TRIM45: variants seen among roughly 807,000 people sequenced by gnomAD.
TRIM45 encodes tripartite motif containing 45.
A neutral mutation model predicts 46.7 loss-of-function variants in TRIM45; 45 were observed. The observed-to-expected ratio is 0.96, with a 90% CI of 0.76 to 1.24. The LOEUF is 1.24. TRIM45 is among the 50% of genes most tolerant of loss of function. TRIM45 has a pLI of 0.00. For synonymous variants in TRIM45, 259 were observed against 285.8 expected (o/e 0.91, Z 0.94); for missense variants, 680 against 728.4 (o/e 0.93, Z 0.77).
Position 117,111,474 on chromosome 1 carries a change from G to A in TRIM45, c.*831C>T, listed in dbSNP as rs1041310067. The A allele has an allele frequency of 6.6e-5, 10 of 152,134 alleles. No homozygotes were observed. The highest frequency in any genetic ancestry group is 6.5e-4 in the Admixed American group (10 of 15,274). 9.4% of individuals were successfully genotyped at this position (152,134 alleles called of 1,614,324 possible). A position where few individuals can be genotyped will look rare whatever the true frequency, so the allele number is the denominator to read the frequency against. On this transcript the variant is annotated 3_prime_UTR_variant, in exon 6 of 6. Coordinates refer to ENST00000256649, the MANE Select transcript of TRIM45 (RefSeq NM_025188.4). ...GGCTTTGGGGCAGAAGGCTGTCATG[G>A]CATAGAGACGGAGTAGGGGGACACC...
chr1:117,112,162 A>T lies in TRIM45; in HGVS notation c.*143T>A. The T allele has an allele frequency of 1.2e-6, 1 of 851,678 alleles. No individual in the cohort carries two copies. Among genetic ancestry groups the T allele is most frequent in the Non-Finnish European group, 1.6e-6 (1 of 614,374 alleles). 52.8% of individuals were successfully genotyped at this position (851,678 alleles called of 1,614,324 possible). A position where few individuals can be genotyped will look rare whatever the true frequency, so the allele number is the denominator to read the frequency against. On this transcript the variant is annotated 3_prime_UTR_variant, in exon 6 of 6. Transcript: ENST00000256649. ...CACAAGTACAATCAGTGAATAACTA[A>T]CAAAAGAGCACTTGAACTCCAGTGC...
Position 117,111,348 on chromosome 1 carries a change from G to A in TRIM45, c.*957C>T, listed in dbSNP as rs938536241. On this transcript the variant is annotated 3_prime_UTR_variant, in exon 6 of 6. Coordinates refer to ENST00000256649, the MANE Select transcript of TRIM45 (RefSeq NM_025188.4). ...AAGGATGAAGGTGTCTAGATTTTCT[G>A]TATAAGTAGAACTGTAATAAATGTA... 1 of 152,208 alleles carries A rather than the reference G, an allele frequency of 6.6e-6. No homozygotes were observed. Among genetic ancestry groups the A allele is most frequent in the Non-Finnish European group, 1.5e-5 (1 of 68,040 alleles). The allele number at this position is 152,208 out of a possible 1,614,324, so 9.4% of individuals were successfully genotyped here. A position where few individuals can be genotyped will look rare whatever the true frequency, so the allele number is the denominator to read the frequency against.
Position 117,112,772 on chromosome 1 carries a change from T to C in TRIM45, c.1595-319A>G, listed in dbSNP as rs147109857. Among the ~76,000 whole-genome samples the C allele has an allele frequency of 4.8e-3, 727 of 152,252 alleles. 5 individuals carry two copies. The highest frequency in any genetic ancestry group is 0.016 in the African/African-American group (678 of 41,552). ...GGTTTGGATTTTAACTGTAAAATCA[T>C]TGAAATAAAAAAGGATAGGTTGGTG... On this transcript the variant is annotated intron_variant, in intron 5 of 5. Coordinates refer to ENST00000256649, the MANE Select transcript of TRIM45 (RefSeq NM_025188.4).
Position 117,112,206 on chromosome 1 carries a change from T to G in TRIM45, c.*99A>C. On this transcript the variant is annotated 3_prime_UTR_variant, in exon 6 of 6. Transcript: ENST00000256649. ...CCAGTGCAAGATAAGGCACTTTGTT[T>G]TTAATTCTATCAGTCTCTTTAGAAT... 7.9e-7 allele frequency: 1 copy of G among 1,259,186 alleles called. No individual in the cohort carries two copies. The highest frequency in any genetic ancestry group is 1.0e-6 in the Non-Finnish European group (1 of 971,240). 78.0% of individuals were successfully genotyped at this position (1,259,186 alleles called of 1,614,324 possible). A position where few individuals can be genotyped will look rare whatever the true frequency, so the allele number is the denominator to read the frequency against.
In TRIM45 at chr1:117,116,738, G is replaced by A. The variant is rs35253907; in HGVS notation, c.1230C>T (p.His410=). 1,792 of 1,614,100 alleles carry A rather than the reference G, an allele frequency of 1.1e-3. 25 individuals carry two copies. The African/African-American group carries it at 0.021, about 19-fold the overall frequency. ...AGGCCGTCTGTTTCTCCCGGGCTCTGTGGAGGTCTGAAAAAGATAAACACT... is the reference window on the plus strand; with the variant it reads ...AGGCCGTCTGTTTCTCCCGGGCTCTATGGAGGTCTGAAAAAGATAAACACT... ...AKCVLQGEDL[H]RAREKQTASF... Residue 410 remains histidine (H), a synonymous_variant, in exon 3 of 6, where the codon CAC becomes CAT. Coordinates refer to ENST00000256649, the MANE Select transcript of TRIM45 (RefSeq NM_025188.4). This position sits in a 1 kb window ranked among gnomAD's most constrained non-coding sequence, Gnocchi z 4.6.
rs775686503 is a variant in TRIM45, at chr1:117,118,162, C to A, written c.1094G>T (p.Arg365Leu). The change falls in exon 2 of 6, where the codon CGT (arginine) becomes CTT (leucine). Residue 365 changes from arginine to leucine, a missense_variant. By Grantham distance (102) the Arg-to-Leu change is moderately radical. This residue lies in a region of TRIM45 where 322 missense variants were observed against 359.3 expected (regional missense o/e 0.90). Coordinates refer to ENST00000256649, the MANE Select transcript of TRIM45 (RefSeq NM_025188.4). This position sits in a 1 kb window ranked among gnomAD's most constrained non-coding sequence, Gnocchi z 5.7. The part of the protein sequence containing the change: ...RKLNKVQYST[R>L]PGVNDKIRFC... ...GCGTATCTTATCATTTACTCCAGGA[C>A]GGGTGCTATATTGAACTTTGTTCAG... 13 of 1,614,094 alleles carry A rather than the reference C, an allele frequency of 8.1e-6. No homozygotes were observed. In the Admixed American group the frequency reaches 2.2e-4, roughly 27 times the overall value.
rs186371486 is a variant in TRIM45, at chr1:117,115,042, C to T, written c.1467+533G>A. Among the ~76,000 whole-genome samples, 23 of 152,142 alleles carry T rather than the reference C, an allele frequency of 1.5e-4. No individual in the cohort carries two copies. The highest frequency in any genetic ancestry group is 3.4e-4 in the African/African-American group (14 of 41,466). On this transcript the variant is annotated intron_variant, in intron 4 of 5. Coordinates refer to ENST00000256649, the MANE Select transcript of TRIM45 (RefSeq NM_025188.4). The surrounding 1 kb of genome is among the most constrained non-coding windows in gnomAD (Gnocchi z 4.2). ...TACTTGTTTGTAGAAACCATGGTAACGTAACTTGTTTGGTATATTTGTTTG... is the reference window on the plus strand; with the variant it reads ...TACTTGTTTGTAGAAACCATGGTAATGTAACTTGTTTGGTATATTTGTTTG...
rs930113267 is a variant in TRIM45 at position 117,118,843 on chromosome 1, G to A, written c.489-76C>T. 2 of 1,525,548 alleles carry A rather than the reference G, an allele frequency of 1.3e-6. No individual in the cohort carries two copies. The highest frequency in any genetic ancestry group is 1.8e-6 in the Non-Finnish European group (2 of 1,135,042). 94.5% of individuals were successfully genotyped at this position (1,525,548 alleles called of 1,614,324 possible). A position where few individuals can be genotyped will look rare whatever the true frequency, so the allele number is the denominator to read the frequency against. On this transcript the variant is annotated intron_variant, in intron 1 of 5. Coordinates refer to ENST00000256649, the MANE Select transcript of TRIM45 (RefSeq NM_025188.4). The surrounding 1 kb of genome is among the most constrained non-coding windows in gnomAD (Gnocchi z 5.7). Reference sequence around the variant, plus strand: ...GAATAGTTGGGCAGAGAGATTTTAGGAGCACAGGATCTGAAGTTAAACAAA... The same window carrying A: ...GAATAGTTGGGCAGAGAGATTTTAGAAGCACAGGATCTGAAGTTAAACAAA...
chr1:117,114,746 G>A (rs1220979342), intron 4 of TRIM45, among the ~76,000 whole-genome samples: 1 of 152,196 alleles, frequency 6.6e-6, no homozygotes, highest in Non-Finnish European at 1.5e-5. Context: ...TTGAAATAAT[G>A]TATGTAAAAA....
In TRIM45 at chr1:117,118,604, C is replaced by T. The variant is rs2101349686; in HGVS notation, c.652G>A (p.Glu218Lys). The change falls in exon 2 of 6, where the codon GAG becomes AAG. Residue 218 changes from glutamate (E) to lysine (K), a missense_variant. Glu to Lys is a moderately conservative substitution (Grantham distance 56). Coordinates refer to ENST00000256649, the MANE Select transcript of TRIM45 (RefSeq NM_025188.4). The surrounding 1 kb of genome is among the most constrained non-coding windows in gnomAD (Gnocchi z 5.7). ...AAGTCACAGGGGTGTTCCCGATGCT[C>T]CCCCACCACACAATCCTGGCACACG... ...RPVCQDCVVG[E>K]HREHPCDFTS... The T allele has an allele frequency of 1.2e-6, 2 of 1,613,688 alleles. No individual in the cohort carries two copies. The highest frequency in any genetic ancestry group is 2.2e-5 in the South Asian group (2 of 91,082).
chr1:117,121,910 G>GGGGGGCGGGACCTGACAAGGCC (rs1557850145), upstream of TRIM45: 5 of 706,964 alleles, frequency 7.1e-6, no homozygotes, highest in African/African-American at 8.8e-5. The surrounding 1 kb of genome is among the most constrained non-coding windows in gnomAD (Gnocchi z 4.2). Flanking sequence ...CCACTCACGC[G>GGGGGGCGGGACCTGACAAGGCC]GGGGGCGGGA....
At chr1:117,121,946 C>T, upstream of TRIM45, 3 of 675,674 alleles carry the variant, frequency 4.4e-6, no homozygotes, top group East Asian at 5.7e-5. This position sits in a 1 kb window ranked among gnomAD's most constrained non-coding sequence, Gnocchi z 4.2. Context: ...GGCGGGGCGG[C>T]CGAAGGGCTT....
rs932617238 is a variant in TRIM45 at position 117,116,844 on chromosome 1, C to T, written c.1223-99G>A. 73 of 1,516,294 alleles carry T rather than the reference C, an allele frequency of 4.8e-5. No individual in the cohort carries two copies. The highest frequency in any genetic ancestry group is 6.2e-5 in the Non-Finnish European group (69 of 1,112,474). 93.9% of individuals were successfully genotyped at this position (1,516,294 alleles called of 1,614,324 possible). A position where few individuals can be genotyped will look rare whatever the true frequency, so the allele number is the denominator to read the frequency against. ...CTTCAGAACAAAGGGTTGTACTTTA[C>T]TGTAACCACCCTGGGTCCCTTTGTT... is the stretch of plus-strand genomic sequence containing the variant. On this transcript the variant is annotated intron_variant, in intron 2 of 5. Coordinates refer to ENST00000256649, the MANE Select transcript of TRIM45 (RefSeq NM_025188.4). The surrounding 1 kb of genome is among the most constrained non-coding windows in gnomAD (Gnocchi z 4.6).
In TRIM45 at chr1:117,121,281, A is replaced by G; in HGVS notation, c.-80T>C. 1.4e-6 allele frequency: 2 copies of G among 1,479,538 alleles called. No individual in the cohort carries two copies. Among genetic ancestry groups the G allele is most frequent in the Non-Finnish European group, 1.8e-6 (2 of 1,117,592 alleles). The allele number at this position is 1,479,538 out of a possible 1,614,324, so 91.7% of individuals were successfully genotyped here. A position where few individuals can be genotyped will look rare whatever the true frequency, so the allele number is the denominator to read the frequency against. ...AGTAGCAGGTGATTAAGCCCACCCA[A>G]AGAGAAAGTCTCCAGAACTTGAACA... is the stretch of plus-strand genomic sequence containing the variant. On this transcript the variant is annotated 5_prime_UTR_variant, in exon 1 of 6. Transcript: ENST00000256649. The surrounding 1 kb of genome is among the most constrained non-coding windows in gnomAD (Gnocchi z 4.2).
chr1:117,113,563 CAG>C lies in TRIM45; in HGVS notation c.1468-80_1468-79del, dbSNP rs1032707993. On this transcript the variant is annotated intron_variant, in intron 4 of 5. Transcript: ENST00000256649. The surrounding 1 kb of genome is among the most constrained non-coding windows in gnomAD (Gnocchi z 4.0). ...GTGCTGCGCATCACTATGTGCTAAA[CAG>C]AGTCTGAGGCACAGGGCCTGTCCTT... The C allele has an allele frequency of 1.9e-6, 3 of 1,542,246 alleles. No individual in the cohort carries two copies. Among genetic ancestry groups the C allele is most frequent in the African/African-American group, 2.7e-5 (2 of 73,242 alleles).
At chr1:117,122,018 C>T (rs1448074379), upstream of TRIM45, 3 of 545,582 alleles carry the variant, frequency 5.5e-6, no homozygotes, top group African/African-American at 4.0e-5. Flanking sequence ...GTCAGCGTCA[C>T]CGTTTCACAG....
At position 117,112,259 on chromosome 1, in the gene TRIM45, C is replaced by T. The variant is rs1227998035; in HGVS notation, c.*46G>A. 1.4e-6 allele frequency: 2 copies of T among 1,472,866 alleles called. No individual in the cohort carries two copies. Among genetic ancestry groups the T allele is most frequent in the Non-Finnish European group, 9.0e-7 (1 of 1,108,298 alleles). 91.2% of individuals were successfully genotyped at this position (1,472,866 alleles called of 1,614,324 possible). On this transcript the variant is annotated 3_prime_UTR_variant, in exon 6 of 6. Transcript: ENST00000256649. ...ACGAAGGTCTGGGTCCTCTGGAAATCTCAAGTGGTGCTGCCTGCAGCTTTA... is the reference window on the plus strand; with the variant it reads ...ACGAAGGTCTGGGTCCTCTGGAAATTTCAAGTGGTGCTGCCTGCAGCTTTA...
chr1:117,119,484 G>A (rs1267036963), intron 1 of TRIM45, among the ~76,000 whole-genome samples: 1 of 152,166 alleles, frequency 6.6e-6, no homozygotes, highest in Non-Finnish European at 1.5e-5. Flanking sequence ...GCATGTGCCT[G>A]TAATCCCAGC....
upstream of TRIM45, among the ~76,000 whole-genome samples, chr1:117,123,619 C>T (rs1391111910): frequency 1.3e-5 from 2 of 151,532 alleles, no homozygotes; most frequent in African/African-American, 2.4e-5. Flanking sequence ...CTACCTCTAC[C>T]TTTCCCTTTT....
Sources: gnomAD v4.1 joint callset for allele counts (sites outside exome capture counted in the v4.1 genomes callset) on GRCh38, gnomAD v4.1.1 for gene constraint, gnomAD v4.1.1 regional missense constraint, Gnocchi (gnomAD v3.1) non-coding constraint, MANE v1.5 for transcripts, NCBI Gene and HGNC (gene_info 2026-07-23, HGNC 2026-07-21) for gene names.